SLC1A1: variants seen among roughly 807,000 people sequenced by gnomAD.
The protein encoded by SLC1A1 is excitatory amino acid transporter 3.
Under a neutral mutation model 53.3 loss-of-function variants are expected in SLC1A1, and 43 were observed. The ratio of observed to expected loss-of-function variants is 0.81; its 90% CI spans 0.63 to 1.04. SLC1A1 has a LOEUF of 1.04. Ranked by LOEUF, SLC1A1 falls within the 50% of genes least tolerant of loss-of-function variation. SLC1A1 has a pLI of 0.00. For synonymous variants in SLC1A1, 307 were observed against 243.2 expected (o/e 1.26, Z -2.44); for missense variants, 748 against 664.9 (o/e 1.12, Z -1.37).
intron 1 of SLC1A1, among the ~76,000 whole-genome samples, chr9:4,492,479 C>CAAAAA (rs34199207): frequency 1.0e-5 from 1 of 96,358 alleles, no homozygotes; most frequent in Admixed American, 1.1e-4. Flanking sequence ...AAGAATCCAC[C>CAAAAA]AAAAAAAAAA....
chr9:4,526,625 T>G (rs1457043372), intron 1 of SLC1A1, among the ~76,000 whole-genome samples: 8 of 152,262 alleles, frequency 5.3e-5, no homozygotes, highest in Admixed American at 6.5e-5. Flanking sequence ...TACATGTTTA[T>G]GTATTTTTAC....
chr9:4,587,097 GAA>G lies in SLC1A1; in HGVS notation c.*1540_*1541del, dbSNP rs1324170532. 1 of 152,620 alleles carries G rather than the reference GAA, an allele frequency of 6.6e-6. No individual in the cohort carries two copies. Among genetic ancestry groups the G allele is most frequent in the Non-Finnish European group, 1.5e-5 (1 of 68,044 alleles). 9.5% of individuals were successfully genotyped at this position (152,620 alleles called of 1,614,324 possible). A position where few individuals can be genotyped will look rare whatever the true frequency, so the allele number is the denominator to read the frequency against. On this transcript the variant is annotated 3_prime_UTR_variant, in exon 12 of 12. Coordinates refer to ENST00000262352, the MANE Select transcript of SLC1A1 (RefSeq NM_004170.6). ...ATGAGAAATTGTGCCAAAGATAGCA[GAA>G]GAGTAGATAAGTGCTCAGTATTGAC...
At chr9:4,557,310 C>T (rs1428871338) in intron 2 of SLC1A1, among the ~76,000 whole-genome samples, 1 of 152,238 alleles carries the variant, frequency 6.6e-6, no homozygotes, top group Non-Finnish European at 1.5e-5. Context: ...TAGCATCTTC[C>T]TTTCCCCTGC....
rs1323198206 is a variant in SLC1A1, at chr9:4,537,568, A to AAAAAT, written c.92-6969_92-6965dup. ...GCGACAGAGCGAGACTCCGTCTCAA[A>AAAAAT]AAAATAAAATAAAATAAAATAAAAT... On this transcript the variant is annotated intron_variant, in intron 1 of 11. Coordinates refer to ENST00000262352, the MANE Select transcript of SLC1A1 (RefSeq NM_004170.6). Among the ~76,000 whole-genome samples the AAAAAT allele has an allele frequency of 5.3e-4, 75 of 142,284 alleles. 19 individuals carry two copies. Among genetic ancestry groups the AAAAAT allele is most frequent in the African/African-American group, 1.0e-3 (39 of 37,610 alleles). 93.3% of individuals were successfully genotyped at this position (142,284 alleles called of 152,430 possible).
At chr9:4,526,649 A>G (rs1164103250) in intron 1 of SLC1A1, among the ~76,000 whole-genome samples, 1 of 152,194 alleles carries the variant, frequency 6.6e-6, no homozygotes, top group Non-Finnish European at 1.5e-5. Flanking sequence ...TCATTGAAAC[A>G]TTTCAGAATA....
chr9:4,528,211 C>T (rs1367726327), intron 1 of SLC1A1, among the ~76,000 whole-genome samples: 1 of 152,132 alleles, frequency 6.6e-6, no homozygotes, highest in Non-Finnish European at 1.5e-5. Flanking sequence ...CAGCCCACCT[C>T]CCCTTCTCAC....
chr9:4,562,781 G>A (rs1057121334), intron 3 of SLC1A1, among the ~76,000 whole-genome samples: 1 of 152,076 alleles, frequency 6.6e-6, no homozygotes, highest in Non-Finnish European at 1.5e-5. Context: ...ATTCCATGGT[G>A]TATATGTGCC....
At chr9:4,529,837 T>C (rs1349298228) in intron 1 of SLC1A1, among the ~76,000 whole-genome samples, 1 of 152,096 alleles carries the variant, frequency 6.6e-6, no homozygotes, top group East Asian at 1.9e-4. Flanking sequence ...AAAATATATA[T>C]ATACTTGATT....
At chr9:4,576,838 CACCAAG>C in intron 10 of SLC1A1, 75 bp downstream of exon 10, 4 of 1,330,238 alleles carry the variant, frequency 3.0e-6, no homozygotes, top group South Asian at 1.2e-5. Context: ...CATGAAGGGA[CACCAAG>C]AATGTCGCAG....
chr9:4,490,641 GC>G lies in SLC1A1; in HGVS notation c.-38del. ...AGTCCCCGGGTCGCCCAGCCCACGC[GC>G]GCACGGCCGAGCCCAGCGCACAATA... On this transcript the variant is annotated 5_prime_UTR_variant, in exon 1 of 12. Transcript: ENST00000262352. 1 of 1,577,840 alleles carries G rather than the reference GC, an allele frequency of 6.3e-7. No homozygotes were observed. Among genetic ancestry groups the G allele is most frequent in the Non-Finnish European group, 8.7e-7 (1 of 1,150,328 alleles).
At chr9:4,492,479 C>CA (rs34199207) in intron 1 of SLC1A1, among the ~76,000 whole-genome samples, 3,561 of 96,176 alleles carry the variant, frequency 0.037, 71 homozygotes, top group Admixed American at 0.045. Flanking sequence ...AAGAATCCAC[C>CA]AAAAAAAAAA....
At chr9:4,581,431 T>C (rs536652916) in intron 10 of SLC1A1, among the ~76,000 whole-genome samples, 13 of 152,336 alleles carry the variant, frequency 8.5e-5, no homozygotes, top group Admixed American at 2.0e-4. Context: ...CCAATGCCAG[T>C]CAAACAGCAG....
chr9:4,493,957 A>C (rs1289508031), intron 1 of SLC1A1, among the ~76,000 whole-genome samples: 2 of 152,240 alleles, frequency 1.3e-5, no homozygotes, highest in Admixed American at 6.5e-5. Context: ...GGAAATGCTA[A>C]GAACTAAACA....
At chr9:4,518,423 G>C (rs1239936529) in intron 1 of SLC1A1, among the ~76,000 whole-genome samples, 4 of 151,662 alleles carry the variant, frequency 2.6e-5, no homozygotes, top group Non-Finnish European at 5.9e-5. Context: ...CTGGAGTGCA[G>C]TGGCATGATC....
intron 1 of SLC1A1, among the ~76,000 whole-genome samples, chr9:4,530,225 T>C (rs1317582209): frequency 1.3e-5 from 2 of 152,128 alleles, no homozygotes; most frequent in African/African-American, 4.8e-5. Flanking sequence ...TTCCATGATA[T>C]AACTAACTCT....
At chr9:4,561,997 A>T (rs1818992473) in intron 3 of SLC1A1, among the ~76,000 whole-genome samples, 1 of 150,028 alleles carries the variant, frequency 6.7e-6, no homozygotes, top group Admixed American at 6.7e-5. Context: ...GGCTCAAGGG[A>T]TCTGCCTGCC....
intron 1 of SLC1A1, among the ~76,000 whole-genome samples, chr9:4,505,045 C>CT (rs3038189): frequency 0.025 from 2,915 of 114,938 alleles, 194 homozygotes; most frequent in African/African-American, 0.085. Context: ...ACATATATTT[C>CT]TTTTTTTTTT....
intron 2 of SLC1A1, among the ~76,000 whole-genome samples, chr9:4,546,595 G>A (rs1277764413): frequency 6.6e-6 from 1 of 152,086 alleles, no homozygotes; most frequent in Non-Finnish European, 1.5e-5. Flanking sequence ...TCACTCTTAC[G>A]TTACCTGCCT....
intron 5 of SLC1A1, 124 bp downstream of exon 5, chr9:4,566,213 C>A: frequency 1.2e-6 from 1 of 834,274 alleles, no homozygotes. Context: ...GGAAGTAAAC[C>A]TGTGACTGGC....
Sources: gnomAD v4.1 joint callset for allele counts (sites outside exome capture counted in the v4.1 genomes callset) on GRCh38, gnomAD v4.1.1 for gene constraint, MANE v1.5 for transcripts, NCBI Gene and HGNC (gene_info 2026-07-23, HGNC 2026-07-21) for gene names.